NRXN3: variants seen among roughly 807,000 people sequenced by gnomAD.
The protein encoded by NRXN3 is neurexin III.
NRXN3 carries 32 observed loss-of-function variants against 137.6 expected under a neutral mutation model. The observed-to-expected ratio is 0.23, with a 90% CI of 0.18 to 0.31. NRXN3 has a LOEUF of 0.31. NRXN3 is among the 10% of genes least tolerant of loss of function. NRXN3 has a pLI of 1.00. For missense variants in NRXN3, 1,574 were observed against 2,062.5 expected, an observed-to-expected ratio of 0.76 and a Z score of 4.59; for synonymous variants, 798 against 784.5, an observed-to-expected ratio of 1.02 and a Z score of -0.29.
intron 5 of NRXN3, among the ~76,000 whole-genome samples, chr14:78,648,379 C>T (rs545424126): frequency 5.3e-5 from 8 of 152,280 alleles, no homozygotes; most frequent in Admixed American, 6.5e-5. Context: ...TCATGTTTAA[C>T]CTGCCAGTCT....
intron 20 of NRXN3, among the ~76,000 whole-genome samples, chr14:79,829,386 G>A (rs2099315879): frequency 6.6e-6 from 1 of 152,188 alleles, no homozygotes; most frequent in Non-Finnish European, 1.5e-5. Context: ...TCTATCAACT[G>A]AGGAACAGCA....
chr14:79,234,396 A>T (rs963149474), intron 15 of NRXN3, among the ~76,000 whole-genome samples: 3 of 133,596 alleles, frequency 2.2e-5, no homozygotes, highest in African/African-American at 8.4e-5. Flanking sequence ...TATTATTATT[A>T]TTTTTGAGAC....
chr14:79,101,742 C>T (rs527654146), intron 15 of NRXN3, among the ~76,000 whole-genome samples: 2 of 152,266 alleles, frequency 1.3e-5, no homozygotes, highest in East Asian at 1.9e-4. Context: ...ATCCCTTGTT[C>T]CTGTGAGTGT....
At chr14:78,957,413 T>A in intron 11 of NRXN3, 52 bp downstream of exon 11, 1 of 1,584,150 alleles carries the variant, frequency 6.3e-7, no homozygotes, top group Non-Finnish European at 8.6e-7. Context: ...GTCCTCTCAG[T>A]CACTGAGTGA....
intron 19 of NRXN3, among the ~76,000 whole-genome samples, chr14:79,711,776 A>G (rs563074194): frequency 7.2e-4 from 109 of 152,352 alleles, no homozygotes; most frequent in African/African-American, 2.5e-3. Context: ...AACCAAGGTC[A>G]AGCCCCTTCC....
intron 15 of NRXN3, among the ~76,000 whole-genome samples, chr14:79,311,052 A>G (rs2087181064): frequency 1.7e-5 from 2 of 120,564 alleles, no homozygotes; most frequent in African/African-American, 3.9e-5. Context: ...CCCATTCAGT[A>G]TGATATTGGC....
chr14:79,665,429 T>C (rs1021329301), intron 17 of NRXN3, among the ~76,000 whole-genome samples: 1 of 152,190 alleles, frequency 6.6e-6, no homozygotes, highest in Non-Finnish European at 1.5e-5. Context: ...GGAATTTTTA[T>C]CATTCAAATT....
chr14:78,722,455 C>T lies in NRXN3; in HGVS notation c.2044+7316C>T, dbSNP rs1170354365. Among the ~76,000 whole-genome samples, 3 of 152,180 alleles carry T rather than the reference C, an allele frequency of 2.0e-5. No homozygotes were observed. The East Asian group carries it at 5.8e-4, about 29-fold the overall frequency. ...TATGAGAAACAAGTGCTTTGAAACA[C>T]AACACAAGGGGATTGTTGCAGGCTT... On this transcript the variant is annotated intron_variant, in intron 8 of 20. Transcript: ENST00000335750.
At chr14:79,420,253 G>A (rs1173652892) in intron 15 of NRXN3, among the ~76,000 whole-genome samples, 2 of 152,062 alleles carry the variant, frequency 1.3e-5, no homozygotes, top group Non-Finnish European at 2.9e-5. Context: ...AGAAACTGAG[G>A]TACACAGTGA....
At chr14:78,538,538 A>G (rs960805504) in intron 4 of NRXN3, among the ~76,000 whole-genome samples, 1 of 152,214 alleles carries the variant, frequency 6.6e-6, no homozygotes, top group Non-Finnish European at 1.5e-5. Flanking sequence ...TTTTCTAAAT[A>G]TGCAATCATG....
intron 4 of NRXN3, among the ~76,000 whole-genome samples, chr14:78,612,353 C>A (rs1179241121): frequency 1.1e-4 from 16 of 152,110 alleles, no homozygotes. Flanking sequence ...CTAGTTATGG[C>A]TGGTGAGGGA....
intron 10 of NRXN3, among the ~76,000 whole-genome samples, chr14:78,884,641 G>C (rs2099138145): frequency 6.6e-6 from 1 of 152,150 alleles, no homozygotes; most frequent in South Asian, 2.1e-4. Context: ...GATAAAATGA[G>C]TTGACTCACA....
chr14:78,468,038 C>T (rs560014675), intron 4 of NRXN3, among the ~76,000 whole-genome samples: 48 of 152,260 alleles, frequency 3.2e-4, no homozygotes, highest in Non-Finnish European at 6.3e-4. Context: ...ATTCTCCTGC[C>T]TCAGCCTCCT....
intron 15 of NRXN3, among the ~76,000 whole-genome samples, chr14:79,402,133 C>T (rs947352877): frequency 5.9e-5 from 9 of 152,054 alleles, no homozygotes; most frequent in Non-Finnish European, 1.2e-4. Context: ...CAGGGTCTCC[C>T]TGTGTTGCTC....
intron 6 of NRXN3, among the ~76,000 whole-genome samples, chr14:78,652,060 G>T (rs1298907225): frequency 2.0e-5 from 3 of 152,206 alleles, no homozygotes; most frequent in Non-Finnish European, 2.9e-5. Flanking sequence ...TTGTGATTTT[G>T]ACCTGGCAAA....
chr14:79,038,833 C>T (rs1483760720), intron 15 of NRXN3, among the ~76,000 whole-genome samples: 1 of 152,056 alleles, frequency 6.6e-6, no homozygotes, highest in East Asian at 1.9e-4. Flanking sequence ...GCTACCTGGC[C>T]TTTCGTTCCC....
intron 15 of NRXN3, among the ~76,000 whole-genome samples, chr14:79,384,928 G>T (rs2094564529): frequency 6.6e-6 from 1 of 152,066 alleles, no homozygotes; most frequent in African/African-American, 2.4e-5. Flanking sequence ...CTTAGCTTTT[G>T]CTATCATTCT....
intron 4 of NRXN3, among the ~76,000 whole-genome samples, chr14:78,503,965 A>T (rs964710847): frequency 3.0e-4 from 45 of 152,316 alleles, no homozygotes; most frequent in Admixed American, 1.3e-4. Flanking sequence ...GAGACCACAA[A>T]AGTAGAGTTC....
chr14:78,778,699 T>TTTCC (rs2098754038), intron 8 of NRXN3, among the ~76,000 whole-genome samples: 1 of 146,162 alleles, frequency 6.8e-6, no homozygotes, highest in Admixed American at 6.8e-5. Flanking sequence ...TCTTTCTTTC[T>TTTCC]TTCTTTCTTT....
Sources: allele counts gnomAD v4.1 joint callset (sites outside exome capture counted in the v4.1 genomes callset), GRCh38; gene constraint gnomAD v4.1.1; transcripts MANE v1.5; gene names NCBI Gene and HGNC (gene_info 2026-07-23, HGNC 2026-07-21).